Variants in DPYD observed in about 807,000 individuals in gnomAD.
DPYD encodes the protein dihydropyrimidine dehydrogenase.
Under a neutral mutation model 116.2 loss-of-function variants are expected in DPYD, and 109 were observed. The observed-to-expected ratio is 0.94, with a 90% CI of 0.80 to 1.10. The LOEUF (loss-of-function observed/expected upper bound fraction) is 1.10. DPYD is among the 50% of genes least tolerant of loss of function. DPYD has a pLI of 0.00. For synonymous variants in DPYD, 440 were observed against 432.0 expected, an observed-to-expected ratio of 1.02 and a Z score of -0.23; for missense variants, 1,302 against 1,254.5, an observed-to-expected ratio of 1.04 and a Z score of -0.57.
At chr1:97,301,682 C>T (rs1462857402) in intron 18 of DPYD, among the ~76,000 whole-genome samples, 1 of 151,948 alleles carries the variant, frequency 6.6e-6, no homozygotes. Context: ...TCCCGAAGCA[C>T]CTGTAAATGA....
intron 20 of DPYD, among the ~76,000 whole-genome samples, chr1:97,185,491 G>A (rs1018119804): frequency 6.6e-6 from 1 of 152,022 alleles, no homozygotes; most frequent in African/African-American, 2.4e-5. Context: ...CTAGCCAAGA[G>A]AAATGAAAAC....
chr1:97,268,689 C>T (rs1664386450), intron 18 of DPYD, among the ~76,000 whole-genome samples: 1 of 152,086 alleles, frequency 6.6e-6, no homozygotes, highest in Admixed American at 6.6e-5. Flanking sequence ...AACAAAGTCT[C>T]AAGATAGTGC....
intron 13 of DPYD, among the ~76,000 whole-genome samples, chr1:97,511,945 C>T (rs1410264455): frequency 2.6e-5 from 4 of 151,830 alleles, no homozygotes; most frequent in East Asian, 3.9e-4. Flanking sequence ...TTTTTAGACA[C>T]GTATAGATGC....
intron 1 of DPYD, among the ~76,000 whole-genome samples, chr1:97,890,938 A>G (rs1354331933): frequency 6.6e-6 from 1 of 151,992 alleles, no homozygotes; most frequent in Non-Finnish European, 1.5e-5. Context: ...GCATAACATA[A>G]CATGAAATAT....
At chr1:97,443,890 C>A (rs1185090130) in intron 14 of DPYD, among the ~76,000 whole-genome samples, 2 of 152,146 alleles carry the variant, frequency 1.3e-5, no homozygotes, top group South Asian at 2.1e-4. Flanking sequence ...TGTACAAGGG[C>A]TCTGGACTAA....
intron 14 of DPYD, among the ~76,000 whole-genome samples, chr1:97,388,510 G>C (rs12084600): frequency 0.026 from 4,025 of 152,190 alleles, 175 homozygotes; most frequent in African/African-American, 0.093. Context: ...AGAGAAGGAA[G>C]TGTTCCAAAA....
chr1:97,454,310 T>C (rs1676572337), intron 13 of DPYD, among the ~76,000 whole-genome samples: 1 of 151,944 alleles, frequency 6.6e-6, no homozygotes, highest in African/African-American at 2.4e-5. Flanking sequence ...GTTTAAATAA[T>C]TGGACAATAA....
In DPYD at chr1:97,157,102, C is replaced by A. The variant is rs1210161863; in HGVS notation, c.2622+35967G>T. On this transcript the variant is annotated intron_variant, in intron 20 of 22. Coordinates refer to ENST00000370192, the MANE Select transcript of DPYD (RefSeq NM_000110.4). Reference sequence around the variant, plus strand: ...TGGACACAGGAAGGGGAACATCACACTCTGGGGACTGTTGTGGGGTGGGGG... The same window carrying A: ...TGGACACAGGAAGGGGAACATCACAATCTGGGGACTGTTGTGGGGTGGGGG... Among the ~76,000 whole-genome samples, 7 of 118,152 alleles carry A rather than the reference C, an allele frequency of 5.9e-5. No individual in the cohort carries two copies. The East Asian group carries it at 1.5e-3, about 25-fold the overall frequency. The allele number at this position is 118,152 out of a possible 152,430, so 77.5% of individuals were successfully genotyped here. A position where few individuals can be genotyped will look rare whatever the true frequency, so the allele number is the denominator to read the frequency against.
At chr1:97,668,310 C>T (rs75848580) in intron 8 of DPYD, among the ~76,000 whole-genome samples, 13,361 of 152,012 alleles carry the variant, frequency 0.088, 807 homozygotes, top group Middle Eastern at 0.12. Flanking sequence ...TCAGTTAAAT[C>T]CAGGTTCTAG....
At chr1:97,594,962 G>T in intron 9 of DPYD, 97 bp downstream of exon 9, 2 of 947,344 alleles carry the variant, frequency 2.1e-6, no homozygotes, top group Non-Finnish European at 1.6e-6. Flanking sequence ...TTGGGTGTGA[G>T]AGCTGAACAA....
intron 10 of DPYD, among the ~76,000 whole-genome samples, chr1:97,574,378 G>C (rs1167236824): frequency 6.6e-6 from 1 of 152,008 alleles, no homozygotes; most frequent in Non-Finnish European, 1.5e-5. Flanking sequence ...ATACATCCAA[G>C]CTGGAAAAAA....
chr1:97,147,580 C>T (rs980991583), intron 20 of DPYD, among the ~76,000 whole-genome samples: 18 of 152,104 alleles, frequency 1.2e-4, no homozygotes, highest in African/African-American at 2.9e-4. Flanking sequence ...ACAGTTATAG[C>T]GCAGAAGAGT....
chr1:97,169,902 C>T (rs1656599646), intron 20 of DPYD, among the ~76,000 whole-genome samples: 1 of 152,142 alleles, frequency 6.6e-6, no homozygotes, highest in East Asian at 1.9e-4. Context: ...ATCCCTTCTA[C>T]TGCCTCATCT....
chr1:97,269,289 C>G (rs77119729), intron 18 of DPYD, among the ~76,000 whole-genome samples: 2,162 of 152,232 alleles, frequency 0.014, 22 homozygotes, highest in South Asian at 0.024. Flanking sequence ...CTAAGTAATC[C>G]CTAAGAAGAT....
At chr1:97,565,989 T>C (rs1652491340) in intron 11 of DPYD, among the ~76,000 whole-genome samples, 1 of 152,194 alleles carries the variant, frequency 6.6e-6, no homozygotes, top group Non-Finnish European at 1.5e-5. Context: ...AAAATGACTG[T>C]AAAATGACTA....
chr1:97,811,300 G>A lies in DPYD; in HGVS notation c.233+16814C>T, dbSNP rs111598368. 7.5e-3 allele frequency among the ~76,000 whole-genome samples: 1,141 copies of A among 152,120 alleles called. 12 individuals carry two copies. Among genetic ancestry groups the A allele is most frequent in the African/African-American group, 0.026 (1,071 of 41,506 alleles). Reference sequence around the variant, plus strand: ...GTTATCCAATTTTCATGAGGATAAAGCTCATGAAAATTTGCTCATAACTGT... The same window carrying A: ...GTTATCCAATTTTCATGAGGATAAAACTCATGAAAATTTGCTCATAACTGT... On this transcript the variant is annotated intron_variant, in intron 3 of 22. Coordinates refer to ENST00000370192, the MANE Select transcript of DPYD (RefSeq NM_000110.4).
intron 13 of DPYD, among the ~76,000 whole-genome samples, chr1:97,481,872 CTGTA>C (rs1315295280): frequency 1.3e-5 from 2 of 152,108 alleles, no homozygotes; most frequent in African/African-American, 4.8e-5. Context: ...CTCTCTCTCT[CTGTA>C]TATGTGTGTT....
At chr1:97,826,032 C>CTGTGTG (rs138055564) in intron 3 of DPYD, among the ~76,000 whole-genome samples, 269 of 151,288 alleles carry the variant, frequency 1.8e-3, no homozygotes, top group African/African-American at 4.8e-3. Flanking sequence ...TAATGTGTGT[C>CTGTGTG]TGTGTGTGTG....
intron 3 of DPYD, among the ~76,000 whole-genome samples, chr1:97,808,752 T>A (rs1377617469): frequency 2.6e-5 from 4 of 151,246 alleles, no homozygotes; most frequent in Non-Finnish European, 5.9e-5. Flanking sequence ...ATTTAAAATA[T>A]TTATTTATAT....
Sources: allele counts gnomAD v4.1 joint callset (sites outside exome capture counted in the v4.1 genomes callset), GRCh38; gene constraint gnomAD v4.1.1; transcripts MANE v1.5; gene names NCBI Gene and HGNC (gene_info 2026-07-23, HGNC 2026-07-21).